RALGDS: variants seen among roughly 807,000 people sequenced by gnomAD.
RALGDS encodes the protein ral guanine nucleotide exchange factor.
In RALGDS, 44 loss-of-function variants were observed where a neutral mutation model predicts 99.8. The ratio of observed to expected loss-of-function variants is 0.44; its 90% CI spans 0.35 to 0.57. RALGDS has a LOEUF of 0.57. RALGDS is among the 20% of genes least tolerant of loss of function. The probability of loss-of-function intolerance (pLI) is 0.01; values close to 1 mark genes in which losing one functional copy is unlikely to be tolerated. For synonymous variants in RALGDS, 529 were observed against 505.0 expected (o/e 1.05, Z -0.64); for missense variants, 1,022 against 1,203.1 (o/e 0.85, Z 2.23).
upstream of RALGDS, among the ~76,000 whole-genome samples, chr9:133,132,116 TCA>T (rs1832344568): frequency 6.6e-6 from 1 of 152,232 alleles, no homozygotes; most frequent in African/African-American, 2.4e-5. Flanking sequence ...TGCCCAGTGC[TCA>T]GAGTGTGGCT....
chr9:133,109,152 C>T (rs1355392585), intron 4 of RALGDS, among the ~76,000 whole-genome samples: 4 of 152,228 alleles, frequency 2.6e-5, no homozygotes, highest in Non-Finnish European at 5.9e-5. Context: ...AGGTCCCTGG[C>T]GGCTCCTCAA....
In RALGDS at chr9:133,121,194, CGGCGGG is replaced by C. The variant is rs1477670862; in HGVS notation, c.-46_-41del. 5 of 884,446 alleles carry C rather than the reference CGGCGGG, an allele frequency of 5.7e-6. No homozygotes were observed. Among genetic ancestry groups the C allele is most frequent in the Non-Finnish European group, 6.8e-6 (5 of 740,412 alleles). 54.8% of individuals were successfully genotyped at this position (884,446 alleles called of 1,614,324 possible). ...GCGGGCGCGGGGCCGGCCCGGCGCG[CGGCGGG>C]GGCGGCGGCGCGGCCCGCGCGGCTG... On this transcript the variant is annotated 5_prime_UTR_variant, in exon 1 of 18. Transcript: ENST00000372050.
In RALGDS at chr9:133,112,129, C is replaced by G; in HGVS notation, c.207G>C (p.Glu69Asp). The part of the protein sequence containing the change: ...RPESSTQEIG[E>D]ELINGVIYSI... ...AGTAGATGACTCCGTTGATCAGCTC[C>G]TCACCGATCTCCTGCGTGGAGCTCT... Residue 69 changes from glutamate to aspartate, a missense_variant, in exon 2 of 18, where the codon GAG becomes GAC. Physicochemically the swap from Glu to Asp is conservative, Grantham distance 45. Around this residue, in one of 3 missense-constraint regions of RALGDS, gnomAD observed 180 missense variants for 169.3 expected, o/e 1.06. Coordinates refer to ENST00000372050, the MANE Select transcript of RALGDS (RefSeq NM_006266.4). 1 of 1,571,744 alleles carries G rather than the reference C, an allele frequency of 6.4e-7. No homozygotes were observed. Among genetic ancestry groups the G allele is most frequent in the Non-Finnish European group, 8.6e-7 (1 of 1,157,652 alleles).
intron 1 of RALGDS, among the ~76,000 whole-genome samples, chr9:133,119,949 T>C (rs1831833448): frequency 1.3e-5 from 2 of 152,044 alleles, no homozygotes; most frequent in Admixed American, 6.5e-5. Context: ...TCTAAAGCCA[T>C]GAAGCGACTG....
intron 1 of RALGDS, among the ~76,000 whole-genome samples, chr9:133,117,764 A>G (rs1314444330): frequency 6.6e-6 from 1 of 152,224 alleles, no homozygotes; most frequent in Non-Finnish European, 1.5e-5. Flanking sequence ...GCACCACGCC[A>G]TGGGAGCCAT....
chr9:133,120,916 G>A, intron 1 of RALGDS, 56 bp downstream of exon 1: 1 of 1,439,658 alleles, frequency 6.9e-7, no homozygotes, highest in South Asian at 1.3e-5. Context: ...GCCCAGCTCT[G>A]CCGCGGGTGG....
At chr9:133,139,779 G>A (rs1003023594) in intron 1 of RALGDS, among the ~76,000 whole-genome samples, 22 of 152,316 alleles carry the variant, frequency 1.4e-4, no homozygotes, top group Middle Eastern at 6.8e-3. Context: ...TCTGCGAAGC[G>A]GAGCAGACAT....
chr9:133,107,943 C>T, intron 6 of RALGDS, 45 bp downstream of exon 6: 1 of 1,608,332 alleles, frequency 6.2e-7, no homozygotes, highest in Non-Finnish European at 8.5e-7. Context: ...GCAGATGCTG[C>T]CAGAAGGCAG....
rs1405170201 is a variant in RALGDS, at chr9:133,100,255, T to C, written c.2569+13A>G. 1 of 1,612,334 alleles carries C rather than the reference T, an allele frequency of 6.2e-7. No individual in the cohort carries two copies. The highest frequency in any genetic ancestry group is 8.5e-7 in the Non-Finnish European group (1 of 1,178,328). The stretch of plus-strand genomic sequence containing the variant: ...TGCCCCCTCTGCCATCGCCCTCTGG[T>C]CTTCTGACTTACTCCGGTCATCTGA... On this transcript the variant is annotated intron_variant, in intron 17 of 17. Transcript: ENST00000372050.
At chr9:133,115,142 C>G (rs775750923) in intron 1 of RALGDS, among the ~76,000 whole-genome samples, 2 of 152,196 alleles carry the variant, frequency 1.3e-5, no homozygotes, top group South Asian at 4.1e-4. Context: ...CGGGGCCTGC[C>G]CCAGCCCTGC....
intron 1 of RALGDS, among the ~76,000 whole-genome samples, chr9:133,145,134 C>G (rs1832601570): frequency 6.6e-6 from 1 of 152,176 alleles, no homozygotes; most frequent in Admixed American, 6.5e-5. Flanking sequence ...GGACTTCTGG[C>G]CTTTAGAACT....
upstream of RALGDS, among the ~76,000 whole-genome samples, chr9:133,122,048 CAAG>C (rs1336372171): frequency 6.6e-6 from 1 of 152,224 alleles, no homozygotes; most frequent in East Asian, 1.9e-4. Flanking sequence ...AGGCATCTGA[CAAG>C]GAGGAAGGCA....
At position 133,110,261 on chromosome 9, in the gene RALGDS, C is replaced by T. The variant is rs370500328; in HGVS notation, c.488+35G>A. On this transcript the variant is annotated intron_variant, in intron 3 of 17. Coordinates refer to ENST00000372050, the MANE Select transcript of RALGDS (RefSeq NM_006266.4). ...CAGGTGGGGGTGGGGGCGAGGGCCC[C>T]TGTGCACCCTGTGCAGTGGAGGGCT... The T allele has an allele frequency of 6.3e-6, 10 of 1,596,270 alleles. No homozygotes were observed. In the African/African-American group the frequency reaches 8.0e-5, roughly 13 times the overall value.
rs1275472809 is a variant in RALGDS, at chr9:133,102,582, A to AG, written c.1914-12dup. On this transcript the variant is annotated splice_polypyrimidine_tract_variant and intron_variant, in intron 13 of 17. Coordinates refer to ENST00000372050, the MANE Select transcript of RALGDS (RefSeq NM_006266.4). Reference sequence around the variant, plus strand: ...CACGACAGGTTGTAGCTATGAGCAGAGGGGCAGTGGTGTGACAACCAGGGG... The same window carrying AG: ...CACGACAGGTTGTAGCTATGAGCAGAGGGGGCAGTGGTGTGACAACCAGGGG... The AG allele has an allele frequency of 1.2e-6, 2 of 1,613,532 alleles. No homozygotes were observed. Among genetic ancestry groups the AG allele is most frequent in the Non-Finnish European group, 1.7e-6 (2 of 1,179,726 alleles).
At position 133,109,661 on chromosome 9, in the gene RALGDS, G is replaced by A. The variant is rs370089103; in HGVS notation, c.549C>T (p.Ser183=). The A allele has an allele frequency of 1.7e-5, 27 of 1,613,812 alleles. 1 individual carries two copies. The highest frequency in any genetic ancestry group is 1.3e-4 in the East Asian group (6 of 44,896). ...GGTCCTGGGGTCCACCATCCTCGTCGGAATAGGGGAGGATGCAGCCGTATC... is the reference window on the plus strand; with the variant it reads ...GGTCCTGGGGTCCACCATCCTCGTCAGAATAGGGGAGGATGCAGCCGTATC... The part of the protein sequence containing the change: ...SSRYGCILPY[S]DEDGGPQDQL... The change falls in exon 4 of 18, where the codon TCC becomes TCT. Residue 183 remains serine (S), a synonymous_variant. Transcript: ENST00000372050.
At chr9:133,111,071 AAG>A (rs1204068219) in intron 2 of RALGDS, among the ~76,000 whole-genome samples, 1 of 152,156 alleles carries the variant, frequency 6.6e-6, no homozygotes, top group Non-Finnish European at 1.5e-5. Flanking sequence ...CTGTCTCTAA[AAG>A]AGTGAAAAAA....
chr9:133,133,936 G>A (rs183799286), upstream of RALGDS, among the ~76,000 whole-genome samples: 91 of 152,236 alleles, frequency 6.0e-4, no homozygotes, highest in African/African-American at 2.1e-3. Context: ...GTGACTCCTC[G>A]CGAAGCTGTT....
At chr9:133,108,535 G>A in intron 5 of RALGDS, 129 bp from the exon 6 acceptor site, 1 of 1,405,492 alleles carries the variant, frequency 7.1e-7, no homozygotes. Flanking sequence ...CCACTCTCCT[G>A]CCTGTGGTCC....
At chr9:133,146,446 C>T (rs1221859371) in intron 1 of RALGDS, among the ~76,000 whole-genome samples, 1 of 152,192 alleles carries the variant, frequency 6.6e-6, no homozygotes, top group Non-Finnish European at 1.5e-5. Flanking sequence ...CCCGCCTCGG[C>T]CTCCCAAAAT....
Sources: allele counts gnomAD v4.1 joint callset (sites outside exome capture counted in the v4.1 genomes callset), GRCh38; gene constraint gnomAD v4.1.1; regional missense constraint gnomAD v4.1.1; transcripts MANE v1.5; gene names NCBI Gene and HGNC (gene_info 2026-07-23, HGNC 2026-07-21).